The following NOS3 variants were observed in gnomAD, a reference collection of about 807,000 sequenced individuals.
The protein encoded by NOS3 is NOS type III.
A neutral mutation model predicts 144.9 loss-of-function variants in NOS3; 98 were observed. That is an observed-to-expected ratio of 0.68 (90% CI 0.57 to 0.80). The LOEUF (loss-of-function observed/expected upper bound fraction) is 0.80, where lower values mean the gene tolerates loss of function less well. NOS3 is among the 30% of genes least tolerant of loss of function. The probability of loss-of-function intolerance (pLI) is 0.00; values close to 1 mark genes in which losing one functional copy is unlikely to be tolerated. For missense variants in NOS3, 1,465 were observed against 1,656.4 expected (o/e 0.88, Z 2.01); for synonymous variants, 714 against 702.4 (o/e 1.02, Z -0.26).
In NOS3 at chr7:150,996,937, C is replaced by T. The variant is rs759718240; in HGVS notation, c.582+12C>T. 17 of 1,552,988 alleles carry T rather than the reference C, an allele frequency of 1.1e-5. No homozygotes were observed. In the South Asian group the frequency reaches 1.9e-4, roughly 17 times the overall value. ...GGGGGAAGCTGCAGGTGCGGCTGGC[C>T]AGCGACTGAGAGACCCGGGCGCTAC... On this transcript the variant is annotated intron_variant, in intron 5 of 26. Transcript: ENST00000297494.
chr7:151,006,609 G>A, intron 15 of NOS3, 115 bp downstream of exon 15: 1 of 917,308 alleles, frequency 1.1e-6, no homozygotes, highest in Non-Finnish European at 1.7e-6. Context: ...CCCACCAAAA[G>A]CCAGGGCTCC....
Position 151,003,377 on chromosome 7 carries a change from C to T in NOS3, c.1752+1073C>T, listed in dbSNP as rs1190982170. On this transcript the variant is annotated intron_variant, in intron 14 of 26. Transcript: ENST00000297494. This position sits in a 1 kb window ranked among gnomAD's most constrained non-coding sequence, Gnocchi z 4.1. ...CTGGGTTCAAGCAATCCACCTGCCTCGGCCTCCCAAAGTGCTGCGATTATA... is the reference window on the plus strand; with the variant it reads ...CTGGGTTCAAGCAATCCACCTGCCTTGGCCTCCCAAAGTGCTGCGATTATA... 2.6e-5 allele frequency: 31 copies of T among 1,188,522 alleles called. No homozygotes were observed. The highest frequency in any genetic ancestry group is 3.4e-5 in the Non-Finnish European group (31 of 912,084). 73.6% of individuals were successfully genotyped at this position (1,188,522 alleles called of 1,614,324 possible).
Position 151,010,667 on chromosome 7 carries a change from C to G in NOS3, c.2756C>G (p.Pro919Arg), listed in dbSNP as rs370602493. The change falls in exon 22 of 27, where the codon CCG (proline) becomes CGG (arginine). Residue 919 changes from proline (P) to arginine (R), a missense_variant. Physicochemically the swap from Pro to Arg is moderately radical, Grantham distance 103. Around this residue, in one of 5 missense-constraint regions of NOS3, gnomAD observed 745 missense variants for 853.9 expected, o/e 0.87. Coordinates refer to ENST00000297494, the MANE Select transcript of NOS3 (RefSeq NM_000603.5). ...CTGCTGGAGGTGCTGGAGCAGTTCC[C>G]GTCGGTGGCGCTGCCTGCCCCACTG... ...PTLLEVLEQF[P>R]SVALPAPLLL... 25 of 1,608,196 alleles carry G rather than the reference C, an allele frequency of 1.6e-5. No homozygotes were observed. Among genetic ancestry groups the G allele is most frequent in the Middle Eastern group, 1.6e-4 (1 of 6,070 alleles).
Position 150,998,346 on chromosome 7 carries a change from G to A in NOS3, c.583-11G>A, listed in dbSNP as rs1223089322. On this transcript the variant is annotated splice_polypyrimidine_tract_variant and intron_variant, in intron 5 of 26. Transcript: ENST00000297494. This position sits in a 1 kb window ranked among gnomAD's most constrained non-coding sequence, Gnocchi z 5.0. ...CCTCACCCTCCTCTCCCGCTGCCTC[G>A]GCTGGCTCAGGTGTTCGATGCCCGG... 5.6e-6 allele frequency: 9 copies of A among 1,609,798 alleles called. No individual in the cohort carries two copies. The highest frequency in any genetic ancestry group is 2.2e-5 in the East Asian group (1 of 44,846).
At chr7:151,005,315 G>C (rs1384181995) in intron 14 of NOS3, among the ~76,000 whole-genome samples, 1 of 152,180 alleles carries the variant, frequency 6.6e-6, no homozygotes, top group African/African-American at 2.4e-5. Context: ...TTGGGAACCA[G>C]CACCCAGAGG....
chr7:150,993,302 C>G lies in NOS3; in HGVS notation c.-51-451C>G, dbSNP rs539285322. ...TATGGGGGGAGGTGAAGGAGAGAAC[C>G]TGCATGACCCTAGAGGTCCCTGTGG... On this transcript the variant is annotated intron_variant, in intron 1 of 26. Transcript: ENST00000297494. This position sits in a 1 kb window ranked among gnomAD's most constrained non-coding sequence, Gnocchi z 4.0. Among the ~76,000 whole-genome samples, 1 of 152,186 alleles carries G rather than the reference C, an allele frequency of 6.6e-6. No individual in the cohort carries two copies. Among genetic ancestry groups the G allele is most frequent in the Admixed American group, 6.5e-5 (1 of 15,284 alleles).
intron 10 of NOS3, among the ~76,000 whole-genome samples, 157 bp downstream of exon 10, chr7:151,000,756 C>T (rs1433270488): frequency 2.0e-5 from 3 of 152,176 alleles, no homozygotes; most frequent in African/African-American, 2.4e-5. Flanking sequence ...CACTGGCCTG[C>T]GGTTCGGGGA....
intron 17 of NOS3, among the ~76,000 whole-genome samples, chr7:151,007,628 G>C (rs1795226234): frequency 6.6e-6 from 1 of 152,244 alleles, no homozygotes; most frequent in Admixed American, 6.5e-5. Flanking sequence ...GATGGAGGGA[G>C]AAGGAAGGGA....
chr7:151,003,962 A>C lies in NOS3; in HGVS notation c.1752+1658A>C. ...CCGGCTTTTGTGGGCTTATGTTTTT[A>C]TTTCTCTTGGGTAAATACCTAGGAG... On this transcript the variant is annotated intron_variant, in intron 14 of 26. Coordinates refer to ENST00000297494, the MANE Select transcript of NOS3 (RefSeq NM_000603.5). This position sits in a 1 kb window ranked among gnomAD's most constrained non-coding sequence, Gnocchi z 4.1. The C allele has an allele frequency of 6.1e-6, 2 of 329,078 alleles. No homozygotes were observed. The highest frequency in any genetic ancestry group is 1.2e-5 in the Non-Finnish European group (2 of 168,176). 20.4% of individuals were successfully genotyped at this position (329,078 alleles called of 1,614,324 possible).
intron 1 of NOS3, among the ~76,000 whole-genome samples, chr7:150,992,569 T>A (rs1460759997): frequency 6.6e-6 from 1 of 152,190 alleles, no homozygotes; most frequent in Non-Finnish European, 1.5e-5. Context: ...ACCTTCTTGG[T>A]GTGACCCCAG....
chr7:151,008,810 G>T, intron 17 of NOS3, 120 bp from the exon 18 acceptor site: 1 of 1,174,418 alleles, frequency 8.5e-7, no homozygotes. Flanking sequence ...CTTGGCGCCG[G>T]CCTCAGCCAC....
chr7:151,002,148 G>A lies in NOS3; in HGVS notation c.1648-52G>A. ...TGCCAGGGAGGCCAGAGTGAGGAGG[G>A]CAGGGCCTCCGGGGGCCACAGCACC... On this transcript the variant is annotated intron_variant, in intron 13 of 26. Coordinates refer to ENST00000297494, the MANE Select transcript of NOS3 (RefSeq NM_000603.5). The surrounding 1 kb of genome is among the most constrained non-coding windows in gnomAD (Gnocchi z 4.1). 1 of 1,426,594 alleles carries A rather than the reference G, an allele frequency of 7.0e-7. No individual in the cohort carries two copies. The highest frequency in any genetic ancestry group is 9.7e-7 in the Non-Finnish European group (1 of 1,028,088). The allele number at this position is 1,426,594 out of a possible 1,614,324, so 88.4% of individuals were successfully genotyped here.
chr7:151,007,313 C>T, intron 17 of NOS3, 37 bp downstream of exon 17: 1 of 1,549,622 alleles, frequency 6.5e-7, no homozygotes, highest in Non-Finnish European at 8.7e-7. Context: ...ACTCCTGCCC[C>T]CTGGGATGCC....
chr7:151,001,412 C>A lies in NOS3; in HGVS notation c.1415C>A (p.Ala472Asp). ...ATGGTCAACTATTTCCTGTCCCCGG[C>A]CTTCCGCTACCAGGTGCCCACCCTA... Reference protein sequence around the residue: ...QEMVNYFLSPAFRYQPDPWKG... With the variant: ...QEMVNYFLSPDFRYQPDPWKG... Residue 472 changes from alanine to aspartate, a missense_variant, in exon 11 of 27, where the codon GCC becomes GAC. Coordinates refer to ENST00000297494, the MANE Select transcript of NOS3 (RefSeq NM_000603.5). The A allele has an allele frequency of 6.3e-7, 1 of 1,588,006 alleles. No homozygotes were observed. The highest frequency in any genetic ancestry group is 8.6e-7 in the Non-Finnish European group (1 of 1,165,578).
At position 150,995,323 on chromosome 7, in the gene NOS3, G is replaced by A. The variant is rs181242083; in HGVS notation, c.270+9G>A. ...GCGCCCAGGCGCAGCAGGTAAGGCC[G>A]GCATGCCCTGTCCCCATCGTCTCCA... On this transcript the variant is annotated intron_variant, in intron 3 of 26. Coordinates refer to ENST00000297494, the MANE Select transcript of NOS3 (RefSeq NM_000603.5). The A allele has an allele frequency of 1.4e-5, 22 of 1,586,420 alleles. No individual in the cohort carries two copies. The East Asian group carries it at 3.1e-4, about 23-fold the overall frequency.
Position 151,014,117 on chromosome 7 carries a change from G to A in NOS3, c.3560G>A (p.Gly1187Asp), listed in dbSNP as rs749398455. The change falls in exon 27 of 27, where the codon GGC (glycine) becomes GAC (aspartate). Residue 1187 changes from glycine to aspartate, a missense_variant. Coordinates refer to ENST00000297494, the MANE Select transcript of NOS3 (RefSeq NM_000603.5). ...TCCTTGCAGGAGCGTCAGTTGCGGG[G>A]CGCAGTGCCCTGGGCGTTCGACCCT... ...SFSLQERQLR[G>D]AVPWAFDPPG... 1.8e-5 allele frequency: 29 copies of A among 1,613,318 alleles called. No individual in the cohort carries two copies. The highest frequency in any genetic ancestry group is 2.1e-5 in the Non-Finnish European group (25 of 1,179,738).
At chr7:151,009,974 C>G (rs1795269129) in intron 20 of NOS3, 141 bp from the exon 21 acceptor site, 1 of 611,804 alleles carries the variant, frequency 1.6e-6, no homozygotes, top group Non-Finnish European at 2.9e-6. Flanking sequence ...GGCCCCCGAA[C>G]AATACACTGA....
chr7:150,992,769 TCA>T (rs1179671891), intron 1 of NOS3, among the ~76,000 whole-genome samples: 1 of 152,240 alleles, frequency 6.6e-6, no homozygotes, highest in East Asian at 1.9e-4. Flanking sequence ...AAACTTTCTC[TCA>T]GTCTCTGAGG....
chr7:151,014,066 C>G lies in NOS3; in HGVS notation c.3509C>G (p.Thr1170Arg), dbSNP rs756842629. 6.2e-6 allele frequency: 10 copies of G among 1,613,828 alleles called. No homozygotes were observed. Among genetic ancestry groups the G allele is most frequent in the African/African-American group, 1.3e-5 (1 of 75,068 alleles). The change falls in exon 27 of 27, where the codon ACA (threonine) becomes AGA (arginine). Residue 1170 changes from threonine to arginine, a missense_variant. By Grantham distance (71) the Thr-to-Arg change is moderately conservative. Around this residue, in one of 5 missense-constraint regions of NOS3, gnomAD observed 228 missense variants for 227.7 expected, o/e 1.00. Transcript: ENST00000297494. ...CTCACGCTGCGCACCCAGGAGGTGACAAGCCGCATACGCACCCAGAGCTTT... is the reference window on the plus strand; with the variant it reads ...CTCACGCTGCGCACCCAGGAGGTGAGAAGCCGCATACGCACCCAGAGCTTT... ...FGLTLRTQEV[T>R]SRIRTQSFSL...
Sources: gnomAD v4.1 joint callset for allele counts (sites outside exome capture counted in the v4.1 genomes callset) on GRCh38, gnomAD v4.1.1 for gene constraint, gnomAD v4.1.1 regional missense constraint, Gnocchi (gnomAD v3.1) non-coding constraint, MANE v1.5 for transcripts, NCBI Gene and HGNC (gene_info 2026-07-23, HGNC 2026-07-21) for gene names.